KRTCAP3: variants seen among roughly 807,000 people sequenced by gnomAD.
KRTCAP3 encodes the protein keratinocyte associated protein 3.
A neutral mutation model predicts 20.5 loss-of-function variants in KRTCAP3; 18 were observed. That is an observed-to-expected ratio of 0.88 (90% CI 0.61 to 1.31). The LOEUF (loss-of-function observed/expected upper bound fraction) is 1.31. KRTCAP3 is among the 50% of genes most tolerant of loss of function. The probability of loss-of-function intolerance (pLI) is 0.00; values close to 1 mark genes in which losing one functional copy is unlikely to be tolerated. For synonymous variants in KRTCAP3, 167 were observed against 133.7 expected (o/e 1.25, Z -1.72); for missense variants, 347 against 310.4 (o/e 1.12, Z -0.89).
Position 27,444,000 on chromosome 2 carries a change from GA to G in KRTCAP3, c.668del (p.Glu223GlyfsTer41). 1 of 1,614,022 alleles carries G rather than the reference GA, an allele frequency of 6.2e-7. No homozygotes were observed. On this transcript the variant is annotated frameshift_variant, in exon 6 of 7. Coordinates refer to ENST00000288873, the MANE Select transcript of KRTCAP3 (RefSeq NM_173853.4). LOFTEE classifies it high-confidence loss of function. ...ESPKCKRQENEQLLDQNQEIR... is the reference protein window; with the variant it reads ...ESPKCKRQENXQLLDQNQEIR... Reference sequence around the variant, plus strand: ...TCCTAAATGTAAAAGGCAGGAAAATGAGCAGCTACTGGATCAAAATCAAGAA... The same window carrying G: ...TCCTAAATGTAAAAGGCAGGAAAATGGCAGCTACTGGATCAAAATCAAGAA...
Position 27,442,429 on chromosome 2 carries a change from T to C in KRTCAP3, c.17T>C (p.Leu6Pro). Residue 6 changes from leucine (L) to proline (P), a missense_variant, in exon 1 of 7, where the codon CTC (leucine) becomes CCC (proline). Coordinates refer to ENST00000288873, the MANE Select transcript of KRTCAP3 (RefSeq NM_173853.4). MRRCS[L>P]CAFDAARGPR... ...GCGGACGGGATGAGGCGCTGCAGTC[T>C]CTGCGCTTTCGGTAACTTCCGGGCC... 1 of 1,569,132 alleles carries C rather than the reference T, an allele frequency of 6.4e-7. No individual in the cohort carries two copies. The highest frequency in any genetic ancestry group is 8.6e-7 in the Non-Finnish European group (1 of 1,157,928).
Position 27,443,122 on chromosome 2 carries a change from G to A in KRTCAP3, c.322G>A (p.Ala108Thr). 7.4e-6 allele frequency: 12 copies of A among 1,614,046 alleles called. No homozygotes were observed. The highest frequency in any genetic ancestry group is 6.7e-5 in the African/African-American group (5 of 75,042). The change falls in exon 4 of 7, where the codon GCC becomes ACC. Residue 108 changes from alanine to threonine, a missense_variant. Transcript: ENST00000288873. ...TCTGGTGAACCTGCTCTTGTCCGTT[G>A]CCTGCTCCCTGGGCCTCCTTCTTGC... ...LALVNLLLSV[A>T]CSLGLLLAVS...
At chr2:27,445,111 G>A (rs1377937532), downstream of KRTCAP3, 1 of 1,613,748 alleles carries the variant, frequency 6.2e-7, no homozygotes, top group South Asian at 1.1e-5. The surrounding 1 kb of genome is among the most constrained non-coding windows in gnomAD (Gnocchi z 4.4). Flanking sequence ...GTATCCTGTG[G>A]AGGAAGAAAA....
rs375999895 is a variant in KRTCAP3, at chr2:27,442,673, C to T, written c.123C>T (p.Gly41=). Residue 41 remains glycine (G), a synonymous_variant, in exon 2 of 7, where the codon GGC becomes GGT. Coordinates refer to ENST00000288873, the MANE Select transcript of KRTCAP3 (RefSeq NM_173853.4). Reference sequence around the variant, plus strand: ...TGCTGCTGGGGGCCGTGCTGCATGGCACCGTCCTGCGGCACGTGGCCAATC... The same window carrying T: ...TGCTGCTGGGGGCCGTGCTGCATGGTACCGTCCTGCGGCACGTGGCCAATC... The part of the protein sequence containing the change: ...VNLLLGAVLH[G]TVLRHVANPR... 2.5e-6 allele frequency: 4 copies of T among 1,586,854 alleles called. No homozygotes were observed. Among genetic ancestry groups the T allele is most frequent in the African/African-American group, 1.3e-5 (1 of 74,238 alleles).
downstream of KRTCAP3, chr2:27,445,320 G>C (rs1329856696): frequency 1.2e-6 from 2 of 1,613,154 alleles, no homozygotes; most frequent in Non-Finnish European, 1.7e-6. The surrounding 1 kb of genome is among the most constrained non-coding windows in gnomAD (Gnocchi z 4.4). Context: ...GGCAGGGCTC[G>C]AACACCAGTG....
At chr2:27,445,579 G>T, downstream of KRTCAP3, 10 of 1,298,698 alleles carry the variant, frequency 7.7e-6, no homozygotes, top group Non-Finnish European at 1.1e-5. The surrounding 1 kb of genome is among the most constrained non-coding windows in gnomAD (Gnocchi z 4.4). Context: ...ATCCTCCTTG[G>T]ATTGGGGGAT....
downstream of KRTCAP3, chr2:27,445,365 G>C: frequency 6.2e-7 from 1 of 1,613,152 alleles, no homozygotes; most frequent in Non-Finnish European, 8.5e-7. This position sits in a 1 kb window ranked among gnomAD's most constrained non-coding sequence, Gnocchi z 4.4. Flanking sequence ...TAGGCGCCAC[G>C]CTCATCCCGA....
chr2:27,443,083 C>G lies in KRTCAP3; in HGVS notation c.283C>G (p.Leu95Val). 2 of 1,613,092 alleles carry G rather than the reference C, an allele frequency of 1.2e-6. No individual in the cohort carries two copies. The highest frequency in any genetic ancestry group is 1.7e-6 in the Non-Finnish European group (2 of 1,179,370). Residue 95 changes from leucine to valine, a missense_variant, in exon 4 of 7, where the codon CTG becomes GTG. Leu to Val is a conservative substitution (Grantham distance 32). Transcript: ENST00000288873. ...NLLRPPLHWV[L>V]LALALVNLLL... ...CTCCTGTCCCTGCCAGCACTGGGTC[C>G]TGCTGGCACTAGCTCTGGTGAACCT...
chr2:27,446,058 A>G (rs1665064306), downstream of KRTCAP3: 1 of 1,578,476 alleles, frequency 6.3e-7, no homozygotes, highest in Middle Eastern at 1.7e-4. Context: ...TGGGATCCAG[A>G]TGCAAATGGG....
downstream of KRTCAP3, chr2:27,445,917 T>C (rs774356097): frequency 3.1e-6 from 5 of 1,614,222 alleles, no homozygotes; most frequent in Admixed American, 1.7e-5. This position sits in a 1 kb window ranked among gnomAD's most constrained non-coding sequence, Gnocchi z 4.4. Flanking sequence ...GGGGCACAGC[T>C]TCCCTACTCA....
At position 27,444,045 on chromosome 2, in the gene KRTCAP3, A is replaced by G. The variant is rs774639877; in HGVS notation, c.712A>G (p.Ser238Gly). 4 of 1,610,544 alleles carry G rather than the reference A, an allele frequency of 2.5e-6. No homozygotes were observed. The South Asian group carries it at 4.4e-5, about 18-fold the overall frequency. The change falls in exon 6 of 7, where the codon AGT (serine) becomes GGT (glycine). Residue 238 changes from serine to glycine, a missense_variant. By Grantham distance (56) the Ser-to-Gly change is moderately conservative. Transcript: ENST00000288873. ...TCAAGAAATCCGGGCATCACAGAGA[A>G]GTTGGGTTTAGGACAGGTAATGGGC... ...QNQEIRASQR[S>G]WV
intron 5 of KRTCAP3, among the ~76,000 whole-genome samples, 166 bp from the exon 6 acceptor site, chr2:27,443,783 G>A (rs535700764): frequency 1.3e-5 from 2 of 152,270 alleles, no homozygotes; most frequent in African/African-American, 4.8e-5. Flanking sequence ...GGCTGAGGCA[G>A]GAGAATCGCT....
downstream of KRTCAP3, chr2:27,446,430 A>G: frequency 1.5e-6 from 2 of 1,294,218 alleles, no homozygotes; most frequent in Non-Finnish European, 2.2e-6. Flanking sequence ...CCTGTAAGGC[A>G]GCCACAGAAC....
chr2:27,443,547 C>A lies in KRTCAP3; in HGVS notation c.615+15C>A. ...TTCAGGGGCAGGTAAGGAAGGCAAA[C>A]AGGAAGGGTTCATTCCACAGAGACT... On this transcript the variant is annotated intron_variant, in intron 5 of 6. Coordinates refer to ENST00000288873, the MANE Select transcript of KRTCAP3 (RefSeq NM_173853.4). 1.2e-6 allele frequency: 2 copies of A among 1,613,730 alleles called. No homozygotes were observed. Among genetic ancestry groups the A allele is most frequent in the African/African-American group, 2.7e-5 (2 of 75,012 alleles).
At position 27,442,900 on chromosome 2, in the gene KRTCAP3, T is replaced by G. The variant is rs1385331579; in HGVS notation, c.272T>G (p.Leu91Arg). 11 of 1,613,150 alleles carry G rather than the reference T, an allele frequency of 6.8e-6. No homozygotes were observed. The highest frequency in any genetic ancestry group is 9.3e-6 in the Non-Finnish European group (11 of 1,179,864). ...TCCAGGAACCTTCTTCGCCCTCCAC[T>G]GGTGAGAGGGACTTCCCTGGAGCTT... The part of the protein sequence containing the change: ...LASRNLLRPP[L>R]HWVLLALALV... Residue 91 changes from leucine to arginine, a missense_variant and splice_region_variant, in exon 3 of 7, where the codon CTG (leucine) becomes CGG (arginine). Coordinates refer to ENST00000288873, the MANE Select transcript of KRTCAP3 (RefSeq NM_173853.4).
Position 27,443,240 on chromosome 2 carries a change from C to T in KRTCAP3, c.440C>T (p.Pro147Leu), listed in dbSNP as rs144135379. The T allele has an allele frequency of 4.3e-4, 697 of 1,614,142 alleles. 1 individual carries two copies. In the African/African-American group the frequency reaches 8.5e-3, roughly 20 times the overall value. The change falls in exon 4 of 7, where the codon CCG becomes CTG. Residue 147 changes from proline to leucine, a missense_variant. Pro to Leu is a moderately conservative substitution (Grantham distance 98). Transcript: ENST00000288873. ...CCTCTGGTACCACTGGATGAGGGGC[C>T]GGGACATACTGACTGCCCCTTTGAC... ...LDPLVPLDEGPGHTDCPFDPT... is the reference protein window; with the variant it reads ...LDPLVPLDEGLGHTDCPFDPT...
chr2:27,444,278 G>T lies in KRTCAP3; in HGVS notation c.*98G>T. The T allele has an allele frequency of 1.5e-6, 1 of 654,524 alleles. No homozygotes were observed. Among genetic ancestry groups the T allele is most frequent in the South Asian group, 1.9e-5 (1 of 51,370 alleles). 40.5% of individuals were successfully genotyped at this position (654,524 alleles called of 1,614,324 possible). On this transcript the variant is annotated 3_prime_UTR_variant, in exon 7 of 7. Transcript: ENST00000288873. ...GGATGAGATAACAAATTGTAATAAA[G>T]TAACTTCTCTTTTCTTCTACTTGAT... is the stretch of plus-strand genomic sequence containing the variant.
At chr2:27,443,841 A>G in intron 5 of KRTCAP3, 108 bp from the exon 6 acceptor site, 1 of 725,412 alleles carries the variant, frequency 1.4e-6, no homozygotes, top group Non-Finnish European at 2.5e-6. Context: ...ACGCCACTGC[A>G]CTCCAGCCTG....
Position 27,444,189 on chromosome 2 carries a change from G to A in KRTCAP3, c.*9G>A, listed in dbSNP as rs533918778. On this transcript the variant is annotated 3_prime_UTR_variant, in exon 7 of 7. Coordinates refer to ENST00000288873, the MANE Select transcript of KRTCAP3 (RefSeq NM_173853.4). ...GTTGGTTCTCCCCTCTGTCCAGCAG[G>A]TGCTGTTCCGAGACTCAGTCCTAAA... is the stretch of plus-strand genomic sequence containing the variant. 2.3e-5 allele frequency: 16 copies of A among 691,912 alleles called. No individual in the cohort carries two copies. The African/African-American group carries it at 2.9e-4, about 12-fold the overall frequency. 42.9% of individuals were successfully genotyped at this position (691,912 alleles called of 1,614,324 possible). A position where few individuals can be genotyped will look rare whatever the true frequency, so the allele number is the denominator to read the frequency against.
Sources: allele counts gnomAD v4.1 joint callset (sites outside exome capture counted in the v4.1 genomes callset), GRCh38; gene constraint gnomAD v4.1.1; non-coding constraint Gnocchi (gnomAD v3.1); transcripts MANE v1.5; gene names NCBI Gene and HGNC (gene_info 2026-07-23, HGNC 2026-07-21).